MACROD2: variants seen among roughly 807,000 people sequenced by gnomAD.
MACROD2 encodes the protein mono-ADP ribosylhydrolase 2, also known as ADP-ribose glycohydrolase MACROD2.
Under a neutral mutation model 70.4 loss-of-function variants are expected in MACROD2, and 36 were observed. That is an observed-to-expected ratio of 0.51 (90% CI 0.39 to 0.68). The LOEUF (loss-of-function observed/expected upper bound fraction) is 0.68, where lower values mean the gene tolerates loss of function less well. Among genes scored for constraint, MACROD2 ranks in the 30% least tolerant of loss-of-function variants. MACROD2 has a pLI of 0.00. For synonymous variants in MACROD2, 172 were observed against 178.8 expected, an observed-to-expected ratio of 0.96 and a Z score of 0.30; for missense variants, 496 against 538.4, an observed-to-expected ratio of 0.92 and a Z score of 0.78.
At chr20:15,729,830 G>GTTTTTTTTTTT (rs1487779107) in intron 8 of MACROD2, among the ~76,000 whole-genome samples, 3 of 9,998 alleles carry the variant, frequency 3.0e-4, no homozygotes, top group Admixed American at 7.1e-4. Flanking sequence ...GTTGGGTCAT[G>GTTTTTTTTTTT]CTTTTTTTTT....
chr20:14,633,091 T>C (rs1410947325), intron 4 of MACROD2, among the ~76,000 whole-genome samples: 1 of 152,234 alleles, frequency 6.6e-6, no homozygotes, highest in East Asian at 1.9e-4. Context: ...ACCTTTCTCT[T>C]TCCTCTTCCT....
chr20:15,455,572 C>T (rs1032134815), intron 7 of MACROD2, among the ~76,000 whole-genome samples: 1 of 152,098 alleles, frequency 6.6e-6, no homozygotes, highest in African/African-American at 2.4e-5. Flanking sequence ...ATCCAAAATT[C>T]TGATGGTTTT....
At chr20:15,465,674 G>A (rs1376683209) in intron 7 of MACROD2, among the ~76,000 whole-genome samples, 1 of 152,236 alleles carries the variant, frequency 6.6e-6, no homozygotes, top group Non-Finnish European at 1.5e-5. Context: ...GGGCAACCCT[G>A]CAGGTCGGGA....
intron 8 of MACROD2, among the ~76,000 whole-genome samples, chr20:15,680,533 T>G (rs994999151): frequency 6.6e-6 from 1 of 152,230 alleles, no homozygotes; most frequent in Non-Finnish European, 1.5e-5. Context: ...GTTTAGATGC[T>G]GAATTACACT....
At chr20:14,668,765 T>TAA (rs974622959) in intron 4 of MACROD2, among the ~76,000 whole-genome samples, 4 of 152,126 alleles carry the variant, frequency 2.6e-5, no homozygotes, top group Non-Finnish European at 5.9e-5. Flanking sequence ...TTCTTGCTCT[T>TAA]AGAGTTTTTT....
At chr20:14,347,512 C>T (rs999195517) in intron 3 of MACROD2, among the ~76,000 whole-genome samples, 2 of 152,014 alleles carry the variant, frequency 1.3e-5, no homozygotes, top group Admixed American at 1.3e-4. Flanking sequence ...TCTGATTGTA[C>T]AGGATGGTAA....
intron 5 of MACROD2, among the ~76,000 whole-genome samples, chr20:14,926,227 G>T (rs2074229597): frequency 6.6e-6 from 1 of 151,922 alleles, no homozygotes; most frequent in Admixed American, 6.6e-5. Context: ...TTTGTTAATT[G>T]AGAAATATCT....
At chr20:15,842,753 G>GATAGATAGATAGAGAA (rs33937643) in intron 8 of MACROD2, among the ~76,000 whole-genome samples, 376 of 140,852 alleles carry the variant, frequency 2.7e-3, no homozygotes, top group African/African-American at 3.4e-3. Flanking sequence ...TAGAGAAATA[G>GATAGATAGATAGAGAA]ACAGACAAAT....
chr20:15,005,111 A>G (rs909792029), intron 5 of MACROD2, among the ~76,000 whole-genome samples: 2 of 152,194 alleles, frequency 1.3e-5, no homozygotes, highest in African/African-American at 4.8e-5. Context: ...ACAATAACCT[A>G]TTGACTATTT....
chr20:14,050,390 GCCTATAA>G (rs2053548546), intron 2 of MACROD2, among the ~76,000 whole-genome samples: 1 of 152,170 alleles, frequency 6.6e-6, no homozygotes, highest in African/African-American at 2.4e-5. Flanking sequence ...GGGGGTTCCA[GCCTATAA>G]TCTGCTTTGC....
chr20:14,416,325 C>G (rs1407563738), intron 3 of MACROD2, among the ~76,000 whole-genome samples: 1 of 152,156 alleles, frequency 6.6e-6, no homozygotes, highest in Non-Finnish European at 1.5e-5. Context: ...CCAAGCTTGT[C>G]TTCACATTCT....
chr20:15,127,485 T>G (rs1386578778), intron 5 of MACROD2, among the ~76,000 whole-genome samples: 1 of 152,102 alleles, frequency 6.6e-6, no homozygotes, highest in African/African-American at 2.4e-5. Context: ...TGAGAGATTC[T>G]GGCTCAGAAC....
chr20:15,590,278 A>G (rs2048659750), intron 8 of MACROD2, among the ~76,000 whole-genome samples: 1 of 152,186 alleles, frequency 6.6e-6, no homozygotes, highest in African/African-American at 2.4e-5. Flanking sequence ...TTTAATCTTC[A>G]TAAAAATTTG....
chr20:15,031,973 C>T (rs1251032505), intron 5 of MACROD2, among the ~76,000 whole-genome samples: 2 of 152,218 alleles, frequency 1.3e-5, no homozygotes, highest in African/African-American at 4.8e-5. Flanking sequence ...TGACCGCCCC[C>T]GCTGGCCTCC....
At chr20:14,163,993 G>A (rs1003908987) in intron 3 of MACROD2, among the ~76,000 whole-genome samples, 5 of 151,834 alleles carry the variant, frequency 3.3e-5, no homozygotes, top group African/African-American at 1.2e-4. Flanking sequence ...CATTCTTTTG[G>A]AGGTGGCATA....
chr20:14,276,213 A>C (rs1270710910), intron 3 of MACROD2, among the ~76,000 whole-genome samples: 1 of 152,062 alleles, frequency 6.6e-6, no homozygotes, highest in Non-Finnish European at 1.5e-5. Context: ...AATAGCAAAG[A>C]CTTGGAACCA....
At chr20:14,412,330 T>G (rs6042716) in intron 3 of MACROD2, among the ~76,000 whole-genome samples, 1,810 of 152,306 alleles carry the variant, frequency 0.012, 32 homozygotes, top group African/African-American at 0.041. Flanking sequence ...AGAAAACCTT[T>G]CAATTAAAGA....
At chr20:15,640,303 A>G (rs2049439690) in intron 8 of MACROD2, among the ~76,000 whole-genome samples, 2 of 152,102 alleles carry the variant, frequency 1.3e-5, no homozygotes, top group African/African-American at 2.4e-5. Context: ...GAGAGAGGAT[A>G]GAGAGAGAAG....
At chr20:14,129,371 G>T (rs990746026) in intron 3 of MACROD2, among the ~76,000 whole-genome samples, 2 of 152,170 alleles carry the variant, frequency 1.3e-5, no homozygotes, top group Non-Finnish European at 2.9e-5. Context: ...TTCTAAAGAT[G>T]AACTGAATTA....
Sources: gnomAD v4.1 joint callset for allele counts (sites outside exome capture counted in the v4.1 genomes callset) on GRCh38, gnomAD v4.1.1 for gene constraint, MANE v1.5 for transcripts, NCBI Gene and HGNC (gene_info 2026-07-23, HGNC 2026-07-21) for gene names.